PLXNA4: variants seen among roughly 807,000 people sequenced by gnomAD.
PLXNA4 encodes the protein plexin-A4.
Under a neutral mutation model 191.8 loss-of-function variants are expected in PLXNA4, and 44 were observed. That is an observed-to-expected ratio of 0.23 (90% CI 0.18 to 0.29). The LOEUF (loss-of-function observed/expected upper bound fraction) is 0.29, where lower values mean the gene tolerates loss of function less well. Ranked by LOEUF, PLXNA4 falls within the 10% of genes least tolerant of loss-of-function variation. PLXNA4 has a pLI of 1.00. For synonymous variants in PLXNA4, 1,082 were observed against 1,009.5 expected (o/e 1.07, Z -1.36); for missense variants, 1,800 against 2,488.8 (o/e 0.72, Z 5.89).
At chr7:132,137,758 G>A (rs1039304611) in intron 30 of PLXNA4, among the ~76,000 whole-genome samples, 13 of 150,276 alleles carry the variant, frequency 8.7e-5, no homozygotes, top group Non-Finnish European at 1.2e-4. Context: ...AGGAGAGATC[G>A]GAGAAGAGAT....
intron 19 of PLXNA4, 149 bp from the exon 20 acceptor site, chr7:132,180,070 G>T: frequency 1.5e-6 from 2 of 1,377,182 alleles, no homozygotes; most frequent in Non-Finnish European, 1.9e-6. Context: ...GGCATGGGGG[G>T]CTGGGAGCGG....
At chr7:132,560,758 G>A (rs955561121) in intron 1 of PLXNA4, among the ~76,000 whole-genome samples, 4 of 152,008 alleles carry the variant, frequency 2.6e-5, no homozygotes, top group African/African-American at 9.7e-5. Context: ...CCCACCAGCT[G>A]CCCAGGCAAG....
chr7:132,253,290 C>T (rs1799320692), intron 4 of PLXNA4, among the ~76,000 whole-genome samples: 1 of 146,158 alleles, frequency 6.8e-6, no homozygotes, highest in Non-Finnish European at 1.5e-5. Flanking sequence ...GGCTGGAGTG[C>T]AGTGGCGCGA....
At chr7:132,366,765 TA>T (rs984102314) in intron 3 of PLXNA4, among the ~76,000 whole-genome samples, 3 of 152,184 alleles carry the variant, frequency 2.0e-5, no homozygotes, top group Non-Finnish European at 4.4e-5. Flanking sequence ...TTTAATTATT[TA>T]AAAAAACTTT....
chr7:132,127,326 C>T lies in PLXNA4; in HGVS notation c.*3153G>A, dbSNP rs761900764. 1.1e-4 allele frequency: 16 copies of T among 152,058 alleles called. No homozygotes were observed. The highest frequency in any genetic ancestry group is 3.3e-4 in the Admixed American group (5 of 15,272). 9.4% of individuals were successfully genotyped at this position (152,058 alleles called of 1,614,324 possible). A position where few individuals can be genotyped will look rare whatever the true frequency, so the allele number is the denominator to read the frequency against. On this transcript the variant is annotated 3_prime_UTR_variant, in exon 32 of 32. Transcript: ENST00000321063. The stretch of plus-strand genomic sequence containing the variant: ...GTGACCCTACAAATTAACTTTGCCT[C>T]GAGGGAGGCCGTGAAGGGGCCTCCA...
chr7:132,234,263 T>G (rs1288337102), intron 5 of PLXNA4, among the ~76,000 whole-genome samples: 1 of 152,212 alleles, frequency 6.6e-6, no homozygotes, highest in Non-Finnish European at 1.5e-5. Context: ...TACACTATAC[T>G]TTATCCAACA....
chr7:132,392,038 G>T (rs977852780), intron 3 of PLXNA4, among the ~76,000 whole-genome samples: 1 of 151,974 alleles, frequency 6.6e-6, no homozygotes, highest in East Asian at 1.9e-4. Flanking sequence ...TGAGGCAGGA[G>T]AATCACTCGA....
chr7:132,132,467 G>GTT (rs1563048329), intron 31 of PLXNA4, among the ~76,000 whole-genome samples: 3,081 of 36,426 alleles, frequency 0.085, 293 homozygotes, highest in African/African-American at 0.15. Context: ...GTTCTGTTCT[G>GTT]CTCTGCTCTG....
In PLXNA4 at chr7:132,127,290, T is replaced by G. The variant is rs1424597580; in HGVS notation, c.*3189A>C. The G allele has an allele frequency of 6.6e-6, 1 of 152,114 alleles. No homozygotes were observed. Among genetic ancestry groups the G allele is most frequent in the Non-Finnish European group, 1.5e-5 (1 of 68,036 alleles). The allele number at this position is 152,114 out of a possible 1,614,324, so 9.4% of individuals were successfully genotyped here. ...TTCTCTCCTTCTGTCTGCTCATGAC[T>G]CAACATAATGGTGACCCTACAAATT... On this transcript the variant is annotated 3_prime_UTR_variant, in exon 32 of 32. Transcript: ENST00000321063.
chr7:132,290,321 T>C (rs1223051770), intron 4 of PLXNA4, among the ~76,000 whole-genome samples: 1 of 152,216 alleles, frequency 6.6e-6, no homozygotes, highest in Admixed American at 6.5e-5. Context: ...CTGAGAAATC[T>C]GCCACTTCCT....
intron 3 of PLXNA4, among the ~76,000 whole-genome samples, chr7:132,316,351 ATGT>A (rs1223178123): frequency 6.6e-6 from 1 of 150,700 alleles, no homozygotes; most frequent in Non-Finnish European, 1.5e-5. Flanking sequence ...GAAAACCTTG[ATGT>A]TCTTAACATA....
intron 3 of PLXNA4, among the ~76,000 whole-genome samples, chr7:132,448,843 T>C (rs2117288923): frequency 6.6e-6 from 1 of 152,334 alleles, no homozygotes; most frequent in South Asian, 2.1e-4. Flanking sequence ...CCAGTTCTAG[T>C]TGTCTCTAGA....
chr7:132,475,973 G>A (rs936380211), intron 3 of PLXNA4, among the ~76,000 whole-genome samples: 2 of 152,188 alleles, frequency 1.3e-5, no homozygotes, highest in South Asian at 4.1e-4. Flanking sequence ...GAGGGAGGTG[G>A]ATGCAAGGCA....
chr7:132,280,674 C>G (rs150081508), intron 4 of PLXNA4, among the ~76,000 whole-genome samples: 1 of 152,178 alleles, frequency 6.6e-6, no homozygotes, highest in East Asian at 1.9e-4. Context: ...AGTGACCACA[C>G]CCACTTTACC....
chr7:132,528,974 T>C (rs1208703516), intron 1 of PLXNA4, among the ~76,000 whole-genome samples: 2 of 152,216 alleles, frequency 1.3e-5, no homozygotes, highest in Admixed American at 1.3e-4. Flanking sequence ...ATGAAGACTA[T>C]GAAGGGTGTC....
In PLXNA4 at chr7:132,508,064, C is replaced by G. The variant is rs771658621; in HGVS notation, c.630G>C (p.Ala210=). The G allele has an allele frequency of 1.9e-6, 3 of 1,614,110 alleles. No homozygotes were observed. The highest frequency in any genetic ancestry group is 2.5e-6 in the Non-Finnish European group (3 of 1,180,054). The part of the protein sequence containing the change: ...SSRKLTKNSE[A]DGMFAYVFHD... Reference sequence around the variant, plus strand: ...GGAAGACGTACGCGAACATGCCATCCGCCTCAGAGTTCTTGGTCAGTTTCC... The same window carrying G: ...GGAAGACGTACGCGAACATGCCATCGGCCTCAGAGTTCTTGGTCAGTTTCC... The change falls in exon 2 of 32, where the codon GCG becomes GCC. Residue 210 remains alanine (A), a synonymous_variant. Transcript: ENST00000321063. The surrounding 1 kb of genome is among the most constrained non-coding windows in gnomAD (Gnocchi z 4.4).
At chr7:132,530,354 ACTAT>A (rs1162057107) in intron 1 of PLXNA4, among the ~76,000 whole-genome samples, 6 of 152,240 alleles carry the variant, frequency 3.9e-5, no homozygotes, top group African/African-American at 1.4e-4. Flanking sequence ...TTGCAAATCA[ACTAT>A]CTGATAAGAG....
intron 24 of PLXNA4, among the ~76,000 whole-genome samples, chr7:132,162,256 G>A (rs1795973984): frequency 6.6e-6 from 1 of 152,178 alleles, no homozygotes; most frequent in Non-Finnish European, 1.5e-5. Flanking sequence ...AGGCCTGAAG[G>A]TGGCTATTAA....
intron 3 of PLXNA4, among the ~76,000 whole-genome samples, chr7:132,329,086 T>C (rs973958021): frequency 1.3e-5 from 2 of 152,174 alleles, no homozygotes; most frequent in Non-Finnish European, 2.9e-5. Flanking sequence ...AGGGTGGAGC[T>C]CAACCGTCTG....
Sources: allele counts gnomAD v4.1 joint callset (sites outside exome capture counted in the v4.1 genomes callset), GRCh38; gene constraint gnomAD v4.1.1; non-coding constraint Gnocchi (gnomAD v3.1); transcripts MANE v1.5; gene names NCBI Gene and HGNC (gene_info 2026-07-23, HGNC 2026-07-21).